The following RBFOX1 variants were observed in gnomAD, a reference collection of about 807,000 sequenced individuals.
RBFOX1 encodes the protein RNA binding fox-1 homolog 1, also known as RNA binding protein fox-1 homolog 1.
RBFOX1 carries 8 observed loss-of-function variants against 57.7 expected under a neutral mutation model. The observed-to-expected ratio is 0.14, with a 90% CI of 0.08 to 0.25. RBFOX1 has a LOEUF of 0.25. RBFOX1 is among the 10% of genes least tolerant of loss of function. The pLI is 1.00. For missense variants in RBFOX1, 611 were observed against 548.5 expected (o/e 1.11, Z -1.14); for synonymous variants, 326 against 222.4 (o/e 1.47, Z -4.15).
chr16:6,179,228 T>A (rs1311094648), intron 1 of RBFOX1, among the ~76,000 whole-genome samples: 2 of 152,126 alleles, frequency 1.3e-5, no homozygotes, highest in Admixed American at 6.5e-5. Flanking sequence ...CCTTTAACTA[T>A]CCAACGCCGA....
Position 5,817,542 on chromosome 16 carries a change from C to G in RBFOX1, c.319-49761C>G, listed in dbSNP as rs527322519. Among the ~76,000 whole-genome samples, 113 of 152,058 alleles carry G rather than the reference C, an allele frequency of 7.4e-4. 1 individual carries two copies. The highest frequency in any genetic ancestry group is 2.6e-3 in the African/African-American group (106 of 41,476). ...GCTCAGGGAACAGGAGAAAGTCTGACTAATGTTTGGGAAGATGGCATGACA... is the reference window on the plus strand; with the variant it reads ...GCTCAGGGAACAGGAGAAAGTCTGAGTAATGTTTGGGAAGATGGCATGACA... On this transcript the variant is annotated intron_variant, in intron 3 of 19. Transcript: ENST00000641259.
chr16:6,887,482 T>G (rs1314031413), intron 3 of RBFOX1, among the ~76,000 whole-genome samples: 1 of 152,160 alleles, frequency 6.6e-6, no homozygotes, highest in African/African-American at 2.4e-5. Flanking sequence ...TTTTCTGGCT[T>G]TTTCTATCCC....
intron 4 of RBFOX1, among the ~76,000 whole-genome samples, chr16:7,358,108 C>G (rs1313493205): frequency 6.6e-6 from 1 of 152,202 alleles, no homozygotes; most frequent in Non-Finnish European, 1.5e-5. Context: ...AAGACTTCCA[C>G]TTCTTACTGA....
intron 3 of RBFOX1, among the ~76,000 whole-genome samples, chr16:6,786,545 A>G (rs1274804108): frequency 1.3e-5 from 2 of 152,174 alleles, no homozygotes; most frequent in East Asian, 1.9e-4. Flanking sequence ...GATCCTGGAA[A>G]GGAAACAGTA....
intron 3 of RBFOX1, among the ~76,000 whole-genome samples, chr16:6,945,169 A>G (rs1039619931): frequency 3.3e-5 from 5 of 152,136 alleles, no homozygotes; most frequent in East Asian, 1.9e-4. Flanking sequence ...TGGGGAAAAA[A>G]GGGCTGTGAC....
At chr16:6,368,478 C>T (rs895672028) in intron 2 of RBFOX1, among the ~76,000 whole-genome samples, 1 of 152,192 alleles carries the variant, frequency 6.6e-6, no homozygotes, top group African/African-American at 2.4e-5. Flanking sequence ...TAATGTAGAC[C>T]TTTCCAGTTC....
chr16:6,810,228 C>T (rs575083277), intron 3 of RBFOX1, among the ~76,000 whole-genome samples: 33 of 152,022 alleles, frequency 2.2e-4, no homozygotes, highest in Admixed American at 3.3e-4. Context: ...AATGTCCATC[C>T]CTCTTTTTCT....
Position 6,999,170 on chromosome 16 carries a change from T to TTTTAC in RBFOX1, c.-15-52883_-15-52882insCTTTA, listed in dbSNP as rs1200054199. ...AGGTGTGAGCCACTGAGCCTGGCCT[T>TTTTAC]TTTATTTTATTTTATTTTATTTTAT... On this transcript the variant is annotated intron_variant, in intron 3 of 15. Transcript: ENST00000550418. Among the ~76,000 whole-genome samples the TTTTAC allele has an allele frequency of 4.7e-3, 263 of 56,154 alleles. 1 individual carries two copies. The highest frequency in any genetic ancestry group is 0.018 in the African/African-American group (247 of 13,860). 36.8% of individuals were successfully genotyped at this position (56,154 alleles called of 152,430 possible).
At chr16:6,949,427 C>T (rs1301437560) in intron 3 of RBFOX1, among the ~76,000 whole-genome samples, 1 of 152,146 alleles carries the variant, frequency 6.6e-6, no homozygotes, top group African/African-American at 2.4e-5. Context: ...AACAAAATAC[C>T]ACAGGCTGGG....
At chr16:6,518,014 C>G (rs1456315311) in intron 2 of RBFOX1, among the ~76,000 whole-genome samples, 2 of 152,054 alleles carry the variant, frequency 1.3e-5, no homozygotes, top group Admixed American at 1.3e-4. Flanking sequence ...TTCTTGATGC[C>G]TCATTGACTC....
intron 11 of RBFOX1, among the ~76,000 whole-genome samples, chr16:7,646,147 C>G (rs2063695310): frequency 6.6e-6 from 1 of 152,144 alleles, no homozygotes; most frequent in African/African-American, 2.4e-5. Context: ...TTTTGAGATT[C>G]GTTCTGAAAA....
chr16:6,240,439 C>G (rs1330465388), intron 1 of RBFOX1, among the ~76,000 whole-genome samples: 1 of 152,078 alleles, frequency 6.6e-6, no homozygotes, highest in Non-Finnish European at 1.5e-5. Flanking sequence ...TTAGTTGATG[C>G]ATGGTGAGGG....
chr16:7,635,301 A>G (rs2142991700), intron 11 of RBFOX1, among the ~76,000 whole-genome samples: 1 of 152,348 alleles, frequency 6.6e-6, no homozygotes, highest in East Asian at 1.9e-4. Context: ...ATCCTTATTT[A>G]CATATGAAGT....
intron 4 of RBFOX1, among the ~76,000 whole-genome samples, chr16:6,005,324 T>A (rs2060674133): frequency 6.6e-6 from 1 of 152,250 alleles, no homozygotes; most frequent in African/African-American, 2.4e-5. Context: ...TAAGCCCATC[T>A]GGACACTCAT....
chr16:6,969,698 A>T (rs9935308), intron 3 of RBFOX1, among the ~76,000 whole-genome samples: 2 of 151,900 alleles, frequency 1.3e-5, no homozygotes, highest in Admixed American at 6.6e-5. Context: ...GAGCTGAAAT[A>T]GTGCCACCTC....
intron 3 of RBFOX1, among the ~76,000 whole-genome samples, chr16:5,672,186 C>T (rs2151419557): frequency 6.6e-6 from 1 of 152,236 alleles, no homozygotes; most frequent in South Asian, 2.1e-4. Context: ...GGATTCCATC[C>T]TCAGTACCCT....
intron 3 of RBFOX1, among the ~76,000 whole-genome samples, chr16:7,001,007 A>G (rs774969303): frequency 2.0e-5 from 3 of 152,114 alleles, no homozygotes; most frequent in East Asian, 1.9e-4. Flanking sequence ...AACCATTACC[A>G]TCACTCCTTT....
At chr16:6,903,313 C>T (rs562252147) in intron 3 of RBFOX1, among the ~76,000 whole-genome samples, 5 of 152,088 alleles carry the variant, frequency 3.3e-5, no homozygotes, top group Admixed American at 1.3e-4. Context: ...GGTCAGCAGC[C>T]CTTACAGCCT....
intron 3 of RBFOX1, among the ~76,000 whole-genome samples, chr16:6,836,895 G>C (rs181947305): frequency 2.0e-5 from 3 of 152,260 alleles, no homozygotes; most frequent in Admixed American, 1.3e-4. Flanking sequence ...GTTAATCATT[G>C]AATCAGCGTT....
Sources: gnomAD v4.1 joint callset for allele counts (sites outside exome capture counted in the v4.1 genomes callset) on GRCh38, gnomAD v4.1.1 for gene constraint, MANE v1.5 for transcripts, NCBI Gene and HGNC (gene_info 2026-07-23, HGNC 2026-07-21) for gene names.